The following APCDD1 variants were observed in gnomAD, a reference collection of about 807,000 sequenced individuals.
The protein encoded by APCDD1 is protein APCDD1.
APCDD1 carries 15 observed loss-of-function variants against 38.1 expected under a neutral mutation model. That is an observed-to-expected ratio of 0.39 (90% CI 0.26 to 0.61). The LOEUF (loss-of-function observed/expected upper bound fraction) is 0.61. APCDD1 is among the 20% of genes least tolerant of loss of function. APCDD1 has a pLI of 0.49. For synonymous variants in APCDD1, 261 were observed against 279.7 expected, an observed-to-expected ratio of 0.93 and a Z score of 0.67; for missense variants, 647 against 696.2, an observed-to-expected ratio of 0.93 and a Z score of 0.79.
In APCDD1 at chr18:10,489,621, C is replaced by A. The variant is rs1038889853; in HGVS notation, c.*1583C>A. The A allele has an allele frequency of 2.0e-5, 3 of 151,870 alleles. No homozygotes were observed. The highest frequency in any genetic ancestry group is 7.3e-5 in the African/African-American group (3 of 41,294). The allele number at this position is 151,870 out of a possible 1,614,324, so 9.4% of individuals were successfully genotyped here. ...GGCTGAGGCAGGAGAATGGCATGAACCTGGGAGGTGGAGCTTGCAGTGAGC... is the reference window on the plus strand; with the variant it reads ...GGCTGAGGCAGGAGAATGGCATGAAACTGGGAGGTGGAGCTTGCAGTGAGC... On this transcript the variant is annotated 3_prime_UTR_variant, in exon 5 of 5. Transcript: ENST00000355285.
intron 3 of APCDD1, among the ~76,000 whole-genome samples, chr18:10,481,079 T>C (rs1333702451): frequency 6.6e-6 from 1 of 152,140 alleles, no homozygotes; most frequent in African/African-American, 2.4e-5. Flanking sequence ...TGTGGAGAAA[T>C]TGGAACCTTA....
intron 3 of APCDD1, among the ~76,000 whole-genome samples, chr18:10,479,972 C>G (rs1241914356): frequency 1.3e-5 from 2 of 152,064 alleles, no homozygotes; most frequent in African/African-American, 4.8e-5. Flanking sequence ...GCATGGGATC[C>G]TTTTTCTCCC....
chr18:10,467,637 AAACAT>A lies in APCDD1; in HGVS notation c.59-830_59-826del, dbSNP rs1378155930. Among the ~76,000 whole-genome samples the A allele has an allele frequency of 6.6e-6, 1 of 152,240 alleles. No homozygotes were observed. The highest frequency in any genetic ancestry group is 2.1e-4 in the South Asian group (1 of 4,834). On this transcript the variant is annotated intron_variant, in intron 1 of 4. Coordinates refer to ENST00000355285, the MANE Select transcript of APCDD1 (RefSeq NM_153000.5). This position sits in a 1 kb window ranked among gnomAD's most constrained non-coding sequence, Gnocchi z 4.8. ...TAGTATGTCTTTACCCCTGGGAAAT[AAACAT>A]ATGTAATCTTCTTGCCATTATTCTT...
Position 10,475,677 on chromosome 18 carries a change from G to C in APCDD1, c.774+3616G>C, listed in dbSNP as rs3748411. Among the ~76,000 whole-genome samples the C allele has an allele frequency of 0.099, 14,518 of 146,584 alleles. 805 individuals carry two copies. Among genetic ancestry groups the C allele is most frequent in the Middle Eastern group, 0.17 (48 of 286 alleles). On this transcript the variant is annotated intron_variant, in intron 3 of 4. Transcript: ENST00000355285. The surrounding 1 kb of genome is among the most constrained non-coding windows in gnomAD (Gnocchi z 4.0). ...AAATTTAGATTAAAAAAAAAAAAAA[G>C]CAAGCAAACACTCCCAGACCCAGAG... is the stretch of plus-strand genomic sequence containing the variant.
At position 10,487,736 on chromosome 18, in the gene APCDD1, A is replaced by G. The variant is rs143975400; in HGVS notation, c.1243A>G (p.Ile415Val). 1.1e-4 allele frequency: 175 copies of G among 1,614,154 alleles called. No homozygotes were observed. Among genetic ancestry groups the G allele is most frequent in the Middle Eastern group, 3.3e-4 (2 of 6,062 alleles). ...THTNGCVALG[I>V]KLPHTEYEIF... ...CACCAATGGCTGCGTGGCCCTGGGC[A>G]TCAAACTACCTCACACGGAGTACGA... is the stretch of plus-strand genomic sequence containing the variant. The change falls in exon 5 of 5, where the codon ATC becomes GTC. Residue 415 changes from isoleucine to valine, a missense_variant. By Grantham distance (29) the Ile-to-Val change is conservative. Coordinates refer to ENST00000355285, the MANE Select transcript of APCDD1 (RefSeq NM_153000.5).
chr18:10,474,949 G>T (rs1454413091), intron 3 of APCDD1, among the ~76,000 whole-genome samples: 2 of 152,210 alleles, frequency 1.3e-5, no homozygotes, highest in Admixed American at 6.5e-5. Context: ...CTTCAGAAAC[G>T]GTAGCCAATC....
At chr18:10,482,047 C>G (rs1184889243) in intron 3 of APCDD1, among the ~76,000 whole-genome samples, 1 of 152,128 alleles carries the variant, frequency 6.6e-6, no homozygotes, top group Admixed American at 6.5e-5. Context: ...CCTCCCCTCC[C>G]CCGAGCCTTT....
At chr18:10,455,330 A>C (rs1279522779) in intron 1 of APCDD1, among the ~76,000 whole-genome samples, 1 of 152,220 alleles carries the variant, frequency 6.6e-6, no homozygotes, top group Admixed American at 6.5e-5. Context: ...TATGTCCAGA[A>C]TCCGTTGCAT....
At position 10,487,707 on chromosome 18, in the gene APCDD1, C is replaced by A. The variant is rs1210580959; in HGVS notation, c.1214C>A (p.Thr405Asn). Reference sequence around the variant, plus strand: ...CAGGTGGGCATCCAGCAGGATGTGACCCACACCAATGGCTGCGTGGCCCTG... The same window carrying A: ...CAGGTGGGCATCCAGCAGGATGTGAACCACACCAATGGCTGCGTGGCCCTG... ...SWQVGIQQDVTHTNGCVALGI... is the reference protein window; with the variant it reads ...SWQVGIQQDVNHTNGCVALGI... The change falls in exon 5 of 5, where the codon ACC becomes AAC. Residue 405 changes from threonine to asparagine, a missense_variant. Physicochemically the swap from Thr to Asn is moderately conservative, Grantham distance 65 (BLOSUM62 0). Transcript: ENST00000355285. 6.2e-7 allele frequency: 1 copy of A among 1,614,140 alleles called. No homozygotes were observed. Among genetic ancestry groups the A allele is most frequent in the Non-Finnish European group, 8.5e-7 (1 of 1,180,032 alleles).
chr18:10,474,937 G>A (rs1253051093), intron 3 of APCDD1, among the ~76,000 whole-genome samples: 2 of 152,216 alleles, frequency 1.3e-5, no homozygotes, highest in African/African-American at 4.8e-5. Context: ...CAAGTATGTG[G>A]ACTTCAGAAA....
intron 1 of APCDD1, 23 bp from the exon 2 acceptor site, chr18:10,468,446 A>G: frequency 6.2e-7 from 1 of 1,613,928 alleles, no homozygotes; most frequent in Non-Finnish European, 8.5e-7. Flanking sequence ...TCTTTTGGCT[A>G]ACTTTCCACC....
intron 3 of APCDD1, among the ~76,000 whole-genome samples, chr18:10,484,144 G>A (rs1005071613): frequency 6.6e-6 from 1 of 152,138 alleles, no homozygotes; most frequent in Non-Finnish European, 1.5e-5. Context: ...GGTCAGAGCT[G>A]TGGCCGTCTT....
rs528698632 is a variant in APCDD1, at chr18:10,485,483, G to T, written c.796G>T (p.Ala266Ser). 3 of 1,613,970 alleles carry T rather than the reference G, an allele frequency of 1.9e-6. No homozygotes were observed. The highest frequency in any genetic ancestry group is 2.7e-5 in the African/African-American group (2 of 74,914). The change falls in exon 4 of 5, where the codon GCC becomes TCC. Residue 266 changes from alanine (A) to serine (S), a missense_variant. Physicochemically the swap from Ala to Ser is moderately conservative, Grantham distance 99 (BLOSUM62 1). Transcript: ENST00000355285. The surrounding 1 kb of genome is among the most constrained non-coding windows in gnomAD (Gnocchi z 5.8). The part of the protein sequence containing the change: ...NAKNHDHACI[A>S]CRIIYRSDEH... The stretch of plus-strand genomic sequence containing the variant: ...TCAGAACCACGACCATGCCTGCATC[G>T]CCTGTCGGATCATCTATCGGTCAGA...
intron 1 of APCDD1, among the ~76,000 whole-genome samples, chr18:10,465,696 G>A (rs2030691344): frequency 6.6e-6 from 1 of 152,172 alleles, no homozygotes; most frequent in South Asian, 2.1e-4. Flanking sequence ...AAGAGAAATT[G>A]CCAGATGTCT....
chr18:10,467,064 C>T lies in APCDD1; in HGVS notation c.59-1405C>T, dbSNP rs1026070583. Among the ~76,000 whole-genome samples the T allele has an allele frequency of 3.9e-5, 6 of 152,212 alleles. No individual in the cohort carries two copies. The highest frequency in any genetic ancestry group is 1.2e-4 in the African/African-American group (5 of 41,452). On this transcript the variant is annotated intron_variant, in intron 1 of 4. Transcript: ENST00000355285. This position sits in a 1 kb window ranked among gnomAD's most constrained non-coding sequence, Gnocchi z 4.8. ...GATACGGAAAATTCTGTCTTCTCAA[C>T]ACCAAGACTTTCCATCAAAAACTAG... is the stretch of plus-strand genomic sequence containing the variant.
rs761813181 is a variant in APCDD1 at position 10,472,447 on chromosome 18, A to G, written c.774+386A>G. ...CATAACCACACCTGGAAAAGATACTAAACAATAGCAGCTACCCAGGCCCTG... is the reference window on the plus strand; with the variant it reads ...CATAACCACACCTGGAAAAGATACTGAACAATAGCAGCTACCCAGGCCCTG... On this transcript the variant is annotated intron_variant, in intron 3 of 4. Coordinates refer to ENST00000355285, the MANE Select transcript of APCDD1 (RefSeq NM_153000.5). This position sits in a 1 kb window ranked among gnomAD's most constrained non-coding sequence, Gnocchi z 6.6. Among the ~76,000 whole-genome samples, 3 of 152,188 alleles carry G rather than the reference A, an allele frequency of 2.0e-5. No homozygotes were observed. The highest frequency in any genetic ancestry group is 4.4e-5 in the Non-Finnish European group (3 of 68,022).
intron 1 of APCDD1, among the ~76,000 whole-genome samples, chr18:10,458,349 CCA>C (rs1252769957): frequency 6.6e-6 from 1 of 152,160 alleles, no homozygotes; most frequent in Admixed American, 6.5e-5. Flanking sequence ...TTGCAGATTA[CCA>C]AATGAGAGTT....
intron 3 of APCDD1, among the ~76,000 whole-genome samples, chr18:10,484,150 G>A (rs758765493): frequency 6.6e-5 from 10 of 152,236 alleles, no homozygotes; most frequent in South Asian, 2.1e-4. Flanking sequence ...AGCTGTGGCC[G>A]TCTTGCTTAA....
rs533610276 is a variant in APCDD1 at position 10,456,493 on chromosome 18, G to GA, written c.58+1460dup. Among the ~76,000 whole-genome samples, 3 of 152,226 alleles carry GA rather than the reference G, an allele frequency of 2.0e-5. No individual in the cohort carries two copies. In the East Asian group the frequency reaches 5.8e-4, roughly 29 times the overall value. ...AAAAAATTGTTGTAATATCTGTGAAGAAAAAAGATAGTATGGTCAAATGAT... is the reference window on the plus strand; with the variant it reads ...AAAAAATTGTTGTAATATCTGTGAAGAAAAAAAGATAGTATGGTCAAATGAT... On this transcript the variant is annotated intron_variant, in intron 1 of 4. Coordinates refer to ENST00000355285, the MANE Select transcript of APCDD1 (RefSeq NM_153000.5).
Sources: allele counts gnomAD v4.1 joint callset (sites outside exome capture counted in the v4.1 genomes callset), GRCh38; gene constraint gnomAD v4.1.1; non-coding constraint Gnocchi (gnomAD v3.1); transcripts MANE v1.5; gene names NCBI Gene and HGNC (gene_info 2026-07-23, HGNC 2026-07-21).